FRY: variants seen among roughly 807,000 people sequenced by gnomAD.
The protein encoded by FRY is FRY microtubule binding protein.
In FRY, 128 loss-of-function variants were observed where a neutral mutation model predicts 348.4. The observed-to-expected ratio is 0.37, with a 90% CI of 0.32 to 0.43. FRY has a LOEUF of 0.43. Among genes scored for constraint, FRY ranks in the 20% least tolerant of loss-of-function variants. FRY has a pLI of 1.00. For missense variants in FRY, 2,736 were observed against 3,695.2 expected (o/e 0.74, Z 6.73); for synonymous variants, 1,370 against 1,374.7 (o/e 1.00, Z 0.08).
At chr13:32,175,755 G>T in intron 20 of FRY, 123 bp downstream of exon 20, 1 of 694,536 alleles carries the variant, frequency 1.4e-6, no homozygotes, top group Non-Finnish European at 2.6e-6. Flanking sequence ...TGACCCAAAG[G>T]TACTTATGAA....
chr13:32,219,719 A>G (rs1362607012), intron 36 of FRY, among the ~76,000 whole-genome samples: 1 of 152,062 alleles, frequency 6.6e-6, no homozygotes, highest in African/African-American at 2.4e-5. Flanking sequence ...AGATCGCGCC[A>G]CTGCACTGTA....
intron 38 of FRY, among the ~76,000 whole-genome samples, chr13:32,225,261 C>G (rs1327559325): frequency 1.3e-5 from 2 of 152,232 alleles, no homozygotes; most frequent in African/African-American, 4.8e-5. Context: ...TGGTTTCTCA[C>G]TAGTGCCACA....
In FRY at chr13:32,237,717, C is replaced by T. The variant is rs1177663842; in HGVS notation, c.6149C>T (p.Ala2050Val). The T allele has an allele frequency of 6.2e-7, 1 of 1,614,146 alleles. No individual in the cohort carries two copies. Among genetic ancestry groups the T allele is most frequent in the Admixed American group, 1.7e-5 (1 of 60,020 alleles). ...GCCACCATATTCTGGGTCACAGTGG[C>T]CTTGATGGAGTCTGATTTTGAGTTT... is the stretch of plus-strand genomic sequence containing the variant. ...LLATIFWVTV[A>V]LMESDFEFEY... Residue 2050 changes from alanine (A) to valine (V), a missense_variant, in exon 44 of 61, where the codon GCC becomes GTC. Physicochemically the swap from Ala to Val is moderately conservative, Grantham distance 64 (BLOSUM62 0). Transcript: ENST00000542859. This position sits in a 1 kb window ranked among gnomAD's most constrained non-coding sequence, Gnocchi z 6.3.
At chr13:32,050,884 C>T (rs1409504996) in intron 1 of FRY, among the ~76,000 whole-genome samples, 2 of 152,180 alleles carry the variant, frequency 1.3e-5, no homozygotes, top group Admixed American at 6.5e-5. Flanking sequence ...CTTGTGCACT[C>T]TCAGTTCTCT....
chr13:32,202,888 G>T (rs1282420178), intron 31 of FRY, among the ~76,000 whole-genome samples: 1 of 151,382 alleles, frequency 6.6e-6, no homozygotes, highest in Non-Finnish European at 1.5e-5. Context: ...GGCAGAGTTT[G>T]CAGTGAGCCG....
intron 11 of FRY, among the ~76,000 whole-genome samples, chr13:32,143,685 T>C (rs1880222397): frequency 6.6e-6 from 1 of 152,170 alleles, no homozygotes; most frequent in South Asian, 2.1e-4. Flanking sequence ...AACTGTTATA[T>C]ATATCTTAAA....
chr13:32,256,096 A>G (rs1244762919), intron 51 of FRY, among the ~76,000 whole-genome samples: 2 of 152,268 alleles, frequency 1.3e-5, no homozygotes, highest in Admixed American at 6.5e-5. Context: ...GATGCCCGTT[A>G]CTTAAAAATA....
chr13:32,062,875 A>G (rs1018019687), intron 1 of FRY, among the ~76,000 whole-genome samples: 2 of 151,988 alleles, frequency 1.3e-5, no homozygotes, highest in Non-Finnish European at 1.5e-5. Context: ...ATAATGGCAT[A>G]TATATACCAT....
rs775239090 is a variant in FRY at position 32,237,697 on chromosome 13, C to T, written c.6129C>T (p.Thr2043=). ...HINHPTNLLA[T]IFWVTVALME... Reference sequence around the variant, plus strand: ...ACCATCCCACCAACCTGCTGGCCACCATATTCTGGGTCACAGTGGCCTTGA... The same window carrying T: ...ACCATCCCACCAACCTGCTGGCCACTATATTCTGGGTCACAGTGGCCTTGA... The change falls in exon 44 of 61, where the codon ACC becomes ACT. Residue 2043 remains threonine, a synonymous_variant. Coordinates refer to ENST00000542859, the MANE Select transcript of FRY (RefSeq NM_023037.3). This position sits in a 1 kb window ranked among gnomAD's most constrained non-coding sequence, Gnocchi z 6.3. 4 of 1,614,170 alleles carry T rather than the reference C, an allele frequency of 2.5e-6. No individual in the cohort carries two copies. Among genetic ancestry groups the T allele is most frequent in the Non-Finnish European group, 8.5e-7 (1 of 1,180,012 alleles).
chr13:32,273,814 A>T (rs990991291), intron 55 of FRY, among the ~76,000 whole-genome samples: 1 of 152,188 alleles, frequency 6.6e-6, no homozygotes, highest in African/African-American at 2.4e-5. Flanking sequence ...CAAACACGCA[A>T]GGAAAACTCA....
At chr13:32,241,250 G>T (rs1192817717) in intron 46 of FRY, among the ~76,000 whole-genome samples, 3 of 151,578 alleles carry the variant, frequency 2.0e-5, no homozygotes, top group African/African-American at 4.9e-5. Context: ...GGTAACATTT[G>T]TCTGGCTCAG....
chr13:32,192,288 G>A (rs552638869), intron 28 of FRY, among the ~76,000 whole-genome samples: 19 of 151,924 alleles, frequency 1.3e-4, no homozygotes, highest in African/African-American at 4.6e-4. Context: ...TTGTTTGTTT[G>A]TTTATTTGTT....
rs1886302203 is a variant in FRY, at chr13:32,237,969, A to T, written c.6401A>T (p.Asp2134Val). The T allele has an allele frequency of 6.2e-7, 1 of 1,613,916 alleles. No homozygotes were observed. Among genetic ancestry groups the T allele is most frequent in the Non-Finnish European group, 8.5e-7 (1 of 1,180,014 alleles). Reference protein sequence around the residue: ...LTPVSKISMVDASHAIGFPLN... With the variant: ...LTPVSKISMVVASHAIGFPLN... ...CCAGTGTCCAAAATATCCATGGTGG[A>T]TGCATCCCACGCTATTGGTAAAGCC... The change falls in exon 44 of 61, where the codon GAT becomes GTT. Residue 2134 changes from aspartate to valine, a missense_variant. Asp to Val is a radical substitution (Grantham distance 152, BLOSUM62 -3). Coordinates refer to ENST00000542859, the MANE Select transcript of FRY (RefSeq NM_023037.3). The surrounding 1 kb of genome is among the most constrained non-coding windows in gnomAD (Gnocchi z 6.3).
chr13:32,269,336 T>A (rs376333450), intron 55 of FRY, among the ~76,000 whole-genome samples: 3 of 152,194 alleles, frequency 2.0e-5, no homozygotes, highest in African/African-American at 7.2e-5. Context: ...AGCAGGTTGC[T>A]GTACATTGCA....
intron 1 of FRY, chr13:32,060,920 G>T: frequency 2.7e-6 from 1 of 367,788 alleles, no homozygotes; most frequent in Non-Finnish European, 5.5e-6. Flanking sequence ...TTCTACTGTA[G>T]GTCTTTAGCA....
At chr13:32,214,459 A>AT (rs111726824) in intron 35 of FRY, among the ~76,000 whole-genome samples, 6 of 151,954 alleles carry the variant, frequency 3.9e-5, no homozygotes, top group Admixed American at 2.0e-4. Flanking sequence ...GATTTTATTT[A>AT]TTTTTTTTAG....
intron 2 of FRY, among the ~76,000 whole-genome samples, chr13:32,096,805 A>AAAAG (rs1284228023): frequency 6.0e-5 from 8 of 132,394 alleles, no homozygotes; most frequent in African/African-American, 2.2e-4. Context: ...TCTGTCTCAA[A>AAAAG]AAAAAAAAAA....
chr13:32,077,214 G>A (rs1875134839), intron 1 of FRY, among the ~76,000 whole-genome samples: 1 of 152,290 alleles, frequency 6.6e-6, no homozygotes, highest in East Asian at 1.9e-4. Context: ...ACCAAGCCAG[G>A]GTGCTGAGGC....
At chr13:32,104,233 G>A (rs1877384893) in intron 3 of FRY, among the ~76,000 whole-genome samples, 1 of 152,156 alleles carries the variant, frequency 6.6e-6, no homozygotes, top group Admixed American at 6.5e-5. Flanking sequence ...GAAAAGACAT[G>A]ACCTTTGGAA....
Sources: gnomAD v4.1 joint callset for allele counts (sites outside exome capture counted in the v4.1 genomes callset) on GRCh38, gnomAD v4.1.1 for gene constraint, Gnocchi (gnomAD v3.1) non-coding constraint, MANE v1.5 for transcripts, NCBI Gene and HGNC (gene_info 2026-07-23, HGNC 2026-07-21) for gene names.